The following MAPKAP1 variants were observed in gnomAD, a reference collection of about 807,000 sequenced individuals.
MAPKAP1 encodes the protein MAPK associated protein 1.
Under a neutral mutation model 65.7 loss-of-function variants are expected in MAPKAP1, and 20 were observed. The observed-to-expected ratio is 0.30, with a 90% CI of 0.21 to 0.44. The LOEUF (loss-of-function observed/expected upper bound fraction) is 0.44. Ranked by LOEUF, MAPKAP1 falls within the 20% of genes least tolerant of loss-of-function variation. The pLI, the probability that MAPKAP1 is intolerant of heterozygous loss-of-function variation, is 1.00. For missense variants in MAPKAP1, 423 were observed against 648.0 expected (o/e 0.65, Z 3.77); for synonymous variants, 222 against 244.3 (o/e 0.91, Z 0.85).
chr9:125,654,381 A>G (rs551610592), intron 4 of MAPKAP1, among the ~76,000 whole-genome samples: 1 of 152,226 alleles, frequency 6.6e-6, no homozygotes. Flanking sequence ...TGACCAAAGC[A>G]TGCCCTAAAA....
At chr9:125,598,255 G>A (rs1489079525) in intron 4 of MAPKAP1, among the ~76,000 whole-genome samples, 1 of 152,128 alleles carries the variant, frequency 6.6e-6, no homozygotes, top group Non-Finnish European at 1.5e-5. Flanking sequence ...TGGCTTTGTA[G>A]TGCTATCTTA....
At chr9:125,468,996 C>T (rs1460113016) in intron 9 of MAPKAP1, among the ~76,000 whole-genome samples, 1 of 152,148 alleles carries the variant, frequency 6.6e-6, no homozygotes, top group Non-Finnish European at 1.5e-5. Context: ...AGTACATGCT[C>T]AGCCCGCCAC....
At chr9:125,535,354 G>C (rs185428649) in intron 7 of MAPKAP1, among the ~76,000 whole-genome samples, 1 of 152,288 alleles carries the variant, frequency 6.6e-6, no homozygotes, top group East Asian at 1.9e-4. Context: ...TACCTGTGCT[G>C]CTTTAGTAGC....
intron 10 of MAPKAP1, among the ~76,000 whole-genome samples, chr9:125,458,515 G>A (rs1025053329): frequency 1.3e-5 from 2 of 152,002 alleles, no homozygotes; most frequent in African/African-American, 2.4e-5. Flanking sequence ...ACATGTTTCA[G>A]AGAGCACAGG....
At chr9:125,466,507 G>A (rs1435726211) in intron 10 of MAPKAP1, among the ~76,000 whole-genome samples, 1 of 152,176 alleles carries the variant, frequency 6.6e-6, no homozygotes, top group Non-Finnish European at 1.5e-5. Flanking sequence ...GAGACATGGA[G>A]AATTTATAAA....
intron 1 of MAPKAP1, among the ~76,000 whole-genome samples, chr9:125,675,500 A>G (rs1181664233): frequency 3.3e-5 from 5 of 152,180 alleles, no homozygotes; most frequent in Non-Finnish European, 7.4e-5. Context: ...ACAGCAGCAG[A>G]TATCTTCTCT....
At chr9:125,466,082 T>G (rs1465421975) in intron 10 of MAPKAP1, among the ~76,000 whole-genome samples, 1 of 152,196 alleles carries the variant, frequency 6.6e-6, no homozygotes, top group Non-Finnish European at 1.5e-5. Flanking sequence ...GTAAGCCTAT[T>G]TCAAATTTTT....
intron 7 of MAPKAP1, among the ~76,000 whole-genome samples, chr9:125,514,959 G>A (rs1015880251): frequency 3.9e-5 from 6 of 152,126 alleles, no homozygotes; most frequent in Middle Eastern, 6.8e-3. Flanking sequence ...CAGCTCCATC[G>A]CTTATAACTC....
chr9:125,652,021 A>C (rs988408273), intron 4 of MAPKAP1: 2 of 891,288 alleles, frequency 2.2e-6, no homozygotes, highest in Admixed American at 6.9e-5. Flanking sequence ...ATTAGAAGGG[A>C]CCATTCCCAC....
intron 4 of MAPKAP1, among the ~76,000 whole-genome samples, chr9:125,648,865 C>T (rs1004426227): frequency 3.3e-5 from 5 of 151,758 alleles, no homozygotes; most frequent in African/African-American, 9.7e-5. Context: ...CGCTTAAACC[C>T]GGGAGGCGGA....
chr9:125,490,024 C>T (rs1236546732), intron 8 of MAPKAP1, among the ~76,000 whole-genome samples: 2 of 152,174 alleles, frequency 1.3e-5, no homozygotes, highest in African/African-American at 4.8e-5. Flanking sequence ...CTGCCTACCT[C>T]ACCACACTCC....
At chr9:125,689,504 T>C (rs1013187308) in intron 1 of MAPKAP1, among the ~76,000 whole-genome samples, 42 of 146,600 alleles carry the variant, frequency 2.9e-4, no homozygotes, top group Admixed American at 9.0e-4. Flanking sequence ...CCCTGCACTT[T>C]GGGAGGCTTA....
At chr9:125,548,748 G>A (rs1262322046) in intron 6 of MAPKAP1, among the ~76,000 whole-genome samples, 2 of 152,164 alleles carry the variant, frequency 1.3e-5, no homozygotes, top group East Asian at 3.9e-4. Context: ...TTCTTCATAT[G>A]TACAATGAAG....
intron 4 of MAPKAP1, among the ~76,000 whole-genome samples, chr9:125,656,389 C>G (rs1834032867): frequency 6.6e-6 from 1 of 152,200 alleles, no homozygotes; most frequent in South Asian, 2.1e-4. Context: ...CTATAACTTA[C>G]TAAAAGTGCT....
At chr9:125,478,968 G>A (rs1042863674) in intron 9 of MAPKAP1, among the ~76,000 whole-genome samples, 1 of 152,212 alleles carries the variant, frequency 6.6e-6, no homozygotes, top group Admixed American at 6.5e-5. Flanking sequence ...ACAATGATTC[G>A]CATGTAAGGC....
intron 4 of MAPKAP1, among the ~76,000 whole-genome samples, chr9:125,598,546 A>AT (rs1479720553): frequency 1.3e-5 from 2 of 152,178 alleles, no homozygotes; most frequent in African/African-American, 4.8e-5. Flanking sequence ...TCCTTGCTAT[A>AT]ACTAATAGAA....
In MAPKAP1 at chr9:125,585,694, C is replaced by T. The variant is rs757433296; in HGVS notation, c.532G>A (p.Asp178Asn). The T allele has an allele frequency of 2.5e-6, 4 of 1,614,086 alleles. No homozygotes were observed. Among genetic ancestry groups the T allele is most frequent in the Non-Finnish European group, 3.4e-6 (4 of 1,180,056 alleles). ...CTCGAGTGCAGAGGGAGGTAGACAT[C>T]GATCTTCTTGGTTGCTGTTGTACCT... is the stretch of plus-strand genomic sequence containing the variant. ...HVGTTATKKIDVYLPLHSSQD... is the reference protein window; with the variant it reads ...HVGTTATKKINVYLPLHSSQD... The change falls in exon 5 of 12, where the codon GAT (aspartate) becomes AAT (asparagine). Residue 178 changes from aspartate to asparagine, a missense_variant. Physicochemically the swap from Asp to Asn is conservative, Grantham distance 23. Transcript: ENST00000265960.
At chr9:125,612,446 G>T (rs765696638) in intron 4 of MAPKAP1, among the ~76,000 whole-genome samples, 1 of 151,916 alleles carries the variant, frequency 6.6e-6, no homozygotes, top group South Asian at 2.1e-4. Flanking sequence ...GCTCTTTAAT[G>T]GGGGGCGGCA....
At chr9:125,695,917 G>A (rs982269495) in intron 1 of MAPKAP1, among the ~76,000 whole-genome samples, 14 of 151,814 alleles carry the variant, frequency 9.2e-5, no homozygotes, top group African/African-American at 3.4e-4. Flanking sequence ...TAGTAGAGAC[G>A]GGGTTTCTAC....
Sources: allele counts gnomAD v4.1 joint callset (sites outside exome capture counted in the v4.1 genomes callset), GRCh38; gene constraint gnomAD v4.1.1; transcripts MANE v1.5; gene names NCBI Gene and HGNC (gene_info 2026-07-23, HGNC 2026-07-21).